VWA5B1: variants seen among roughly 807,000 people sequenced by gnomAD.
The protein encoded by VWA5B1 is von Willebrand factor A domain-containing protein 5B1.
Under a neutral mutation model 118.2 loss-of-function variants are expected in VWA5B1, and 115 were observed. That is an observed-to-expected ratio of 0.97 (90% CI 0.84 to 1.14). The LOEUF (loss-of-function observed/expected upper bound fraction) is 1.14, where lower values mean the gene tolerates loss of function less well. Ranked by LOEUF, VWA5B1 falls within the 50% of genes most tolerant of loss-of-function variation. The pLI is 0.00. For missense variants in VWA5B1, 1,596 were observed against 1,603.8 expected, an observed-to-expected ratio of 1.00 and a Z score of 0.08; for synonymous variants, 682 against 658.4, an observed-to-expected ratio of 1.04 and a Z score of -0.55.
rs546920340 is a variant in VWA5B1, at chr1:20,347,587, G to A, written c.2765-658G>A. 5.9e-5 allele frequency among the ~76,000 whole-genome samples: 9 copies of A among 151,922 alleles called. No individual in the cohort carries two copies. In the South Asian group the frequency reaches 1.3e-3, roughly 21 times the overall value. On this transcript the variant is annotated intron_variant, in intron 17 of 21. Coordinates refer to ENST00000289815, the MANE Select transcript of VWA5B1 (RefSeq NM_001039500.3). ...TCCCAGTAGGTGGGACTACAGGCAC[G>A]CACTACCACACCCAGCTAATTTTTT...
At chr1:20,321,271 T>C (rs1017344795) in intron 7 of VWA5B1, among the ~76,000 whole-genome samples, 9 of 152,076 alleles carry the variant, frequency 5.9e-5, no homozygotes, top group African/African-American at 1.2e-4. Flanking sequence ...GCTTATATTC[T>C]GGGATGGAAA....
At chr1:20,327,532 G>A (rs2100912766) in intron 8 of VWA5B1, among the ~76,000 whole-genome samples, 1 of 152,182 alleles carries the variant, frequency 6.6e-6, no homozygotes, top group Non-Finnish European at 1.5e-5. Flanking sequence ...GGTGCTCCCT[G>A]CTCTCCCCAC....
At position 20,337,645 on chromosome 1, in the gene VWA5B1, G is replaced by T; in HGVS notation, c.1943-1G>T. The stretch of plus-strand genomic sequence containing the variant: ...GGTTCCCCATCACTATCCCTGTCCA[G>T]ATCTGAACCTCTCTCAGCGACGGAG... On this transcript the variant is annotated splice_acceptor_variant, in intron 13 of 21. Coordinates refer to ENST00000289815, the MANE Select transcript of VWA5B1 (RefSeq NM_001039500.3). LOFTEE classifies it high-confidence loss of function. The T allele has an allele frequency of 6.4e-7, 1 of 1,550,900 alleles. No individual in the cohort carries two copies. Among genetic ancestry groups the T allele is most frequent in the Non-Finnish European group, 8.7e-7 (1 of 1,146,590 alleles).
At chr1:20,351,940 A>ATAAGGAGGCTGGAGGGAGC in intron 20 of VWA5B1, 115 bp from the exon 21 acceptor site, 1 of 705,620 alleles carries the variant, frequency 1.4e-6, no homozygotes, top group Non-Finnish European at 2.4e-6. Flanking sequence ...TAGCTATCAG[A>ATAAGGAGGCTGGAGGGAGC]TAAGGAGGCT....
chr1:20,342,362 C>T (rs2089897453), intron 14 of VWA5B1, 70 bp from the exon 15 acceptor site: 6 of 1,478,818 alleles, frequency 4.1e-6, no homozygotes, highest in Non-Finnish European at 4.6e-6. Flanking sequence ...AGGAGCTCTT[C>T]CTCCTCCTTC....
intron 1 of VWA5B1, among the ~76,000 whole-genome samples, chr1:20,305,506 C>T (rs1021761308): frequency 6.6e-6 from 1 of 151,902 alleles, no homozygotes; most frequent in Non-Finnish European, 1.5e-5. Flanking sequence ...AATGCATCAG[C>T]CCCCCAAGGA....
Position 20,345,604 on chromosome 1 carries a change from C to A in VWA5B1, c.2764+11C>A. 2.0e-6 allele frequency: 3 copies of A among 1,537,522 alleles called. No individual in the cohort carries two copies. The highest frequency in any genetic ancestry group is 1.2e-5 in the South Asian group (1 of 81,942). ...AGTACCCCAACTCTGGTAAGGCAGG[C>A]GAGCGGCCGGGGGCACTCCTGGGGG... On this transcript the variant is annotated intron_variant, in intron 17 of 21. Transcript: ENST00000289815.
intron 14 of VWA5B1, among the ~76,000 whole-genome samples, chr1:20,339,523 CAG>C (rs1318220680): frequency 6.6e-6 from 1 of 152,116 alleles, no homozygotes; most frequent in African/African-American, 2.4e-5. Flanking sequence ...GCCTGGGAGA[CAG>C]AGAGAGAGAT....
chr1:20,301,193 G>A (rs77217700), intron 1 of VWA5B1, among the ~76,000 whole-genome samples: 4,972 of 152,356 alleles, frequency 0.033, 126 homozygotes, highest in Non-Finnish European at 0.052. Context: ...GAGCCCCCAT[G>A]GGGTAATGCC....
chr1:20,349,685 A>C (rs1362735472), intron 18 of VWA5B1, among the ~76,000 whole-genome samples: 1 of 150,646 alleles, frequency 6.6e-6, no homozygotes, highest in Admixed American at 6.6e-5. Flanking sequence ...CCTGGCTACA[A>C]ATCCCTCCCT....
chr1:20,309,157 T>C, intron 1 of VWA5B1, among the ~76,000 whole-genome samples: 1 of 152,306 alleles, frequency 6.6e-6, no homozygotes, highest in East Asian at 1.9e-4. Context: ...CATTCTCTTA[T>C]TCATTCAATC....
At chr1:20,301,601 G>C (rs2088505155) in intron 1 of VWA5B1, among the ~76,000 whole-genome samples, 1 of 152,196 alleles carries the variant, frequency 6.6e-6, no homozygotes, top group Non-Finnish European at 1.5e-5. Context: ...AGCTCTAGAG[G>C]GGCAGTGGCT....
At chr1:20,325,413 G>A (rs927091937) in intron 8 of VWA5B1, among the ~76,000 whole-genome samples, 3 of 152,170 alleles carry the variant, frequency 2.0e-5, no homozygotes, top group Admixed American at 2.0e-4. Context: ...GTGAACGTAT[G>A]TCATATATCC....
intron 9 of VWA5B1, among the ~76,000 whole-genome samples, chr1:20,329,844 C>T (rs2089494387): frequency 6.6e-6 from 1 of 152,198 alleles, no homozygotes; most frequent in African/African-American, 2.4e-5. Context: ...CTCTTTCCCT[C>T]ACACCACCCA....
Position 20,328,015 on chromosome 1 carries a change from A to G in VWA5B1, c.1254+15A>G. 1 of 1,549,326 alleles carries G rather than the reference A, an allele frequency of 6.5e-7. No homozygotes were observed. Among genetic ancestry groups the G allele is most frequent in the Non-Finnish European group, 8.7e-7 (1 of 1,144,946 alleles). ...CCTACAGTGAGGTAATGAGGGGGCA[A>G]GGCTGGGACCAGGAGGGTGGTGCAT... On this transcript the variant is annotated intron_variant, in intron 9 of 21. Coordinates refer to ENST00000289815, the MANE Select transcript of VWA5B1 (RefSeq NM_001039500.3).
intron 1 of VWA5B1, among the ~76,000 whole-genome samples, chr1:20,292,471 T>C (rs1292508410): frequency 6.6e-6 from 1 of 152,176 alleles, no homozygotes; most frequent in Non-Finnish European, 1.5e-5. Context: ...TATTAGGGCA[T>C]GTGTGTGTAA....
chr1:20,308,481 A>G (rs1377357033), intron 1 of VWA5B1, among the ~76,000 whole-genome samples: 1 of 152,016 alleles, frequency 6.6e-6, no homozygotes, highest in African/African-American at 2.4e-5. Flanking sequence ...ATGCAGGGGG[A>G]CTGGGCGGGG....
chr1:20,320,102 T>C (rs1404758888), intron 7 of VWA5B1, among the ~76,000 whole-genome samples: 1 of 152,156 alleles, frequency 6.6e-6, no homozygotes, highest in African/African-American at 2.4e-5. Flanking sequence ...CTCCCGCTCA[T>C]GGTCCTGCAC....
chr1:20,342,590 C>A lies in VWA5B1; in HGVS notation c.2292C>A (p.Ser764Arg). The A allele has an allele frequency of 6.7e-7, 1 of 1,498,128 alleles. No individual in the cohort carries two copies. 92.8% of individuals were successfully genotyped at this position (1,498,128 alleles called of 1,614,324 possible). A position where few individuals can be genotyped will look rare whatever the true frequency, so the allele number is the denominator to read the frequency against. ...WSPVRERTSD[S>R]RSPGDLEPSH... ...CTGTGAGAGAGCGGACTTCTGACAG[C>A]CGAAGCCCTGGAGATCTGGGTAAGT... Residue 764 changes from serine (S) to arginine (R), a missense_variant, in exon 15 of 22, where the codon AGC becomes AGA. By Grantham distance (110) the Ser-to-Arg change is moderately radical. Transcript: ENST00000289815.
Sources: gnomAD v4.1 joint callset for allele counts (sites outside exome capture counted in the v4.1 genomes callset) on GRCh38, gnomAD v4.1.1 for gene constraint, MANE v1.5 for transcripts, NCBI Gene and HGNC (gene_info 2026-07-23, HGNC 2026-07-21) for gene names.